Variants in DSC2 observed in about 807,000 individuals in gnomAD.
DSC2 encodes the protein desmocollin 2, also known as desmocollin-2.
Under a neutral mutation model 87.6 loss-of-function variants are expected in DSC2, and 51 were observed. That is an observed-to-expected ratio of 0.58 (90% CI 0.46 to 0.74). The LOEUF (loss-of-function observed/expected upper bound fraction) is 0.74. DSC2 is among the 30% of genes least tolerant of loss of function. The pLI, the probability that DSC2 is intolerant of heterozygous loss-of-function variation, is 0.00. For missense variants in DSC2, 1,066 were observed against 1,089.5 expected (o/e 0.98, Z 0.30); for synonymous variants, 383 against 393.2 (o/e 0.97, Z 0.31).
chr18:31,095,723 A>C lies in DSC2; in HGVS notation c.70-2080T>G, dbSNP rs1337464291. ...TAAACATGATCCTCATGAAACATTC[A>C]ATCTAAGGTAAGACATATTTGTAAT... On this transcript the variant is annotated intron_variant, in intron 1 of 15. Coordinates refer to ENST00000280904, the MANE Select transcript of DSC2 (RefSeq NM_024422.6). Among the ~76,000 whole-genome samples, 17 of 152,144 alleles carry C rather than the reference A, an allele frequency of 1.1e-4. 1 individual carries two copies. Among genetic ancestry groups the C allele is most frequent in the Admixed American group, 1.1e-3 (17 of 15,284 alleles).
At chr18:31,075,572 G>A (rs1014035257) in intron 11 of DSC2, among the ~76,000 whole-genome samples, 2 of 152,118 alleles carry the variant, frequency 1.3e-5, no homozygotes, top group African/African-American at 2.4e-5. Flanking sequence ...CAGGATAGAC[G>A]GGGCACAGTG....
chr18:31,079,609 A>T (rs1987135665), intron 11 of DSC2, among the ~76,000 whole-genome samples: 1 of 152,184 alleles, frequency 6.6e-6, no homozygotes, highest in African/African-American at 2.4e-5. Flanking sequence ...TAACTTTAAT[A>T]AATTATGGTC....
Position 31,067,937 on chromosome 18 carries a change from G to T in DSC2, c.*78C>A. The T allele has an allele frequency of 7.3e-7, 1 of 1,368,650 alleles. No individual in the cohort carries two copies. The highest frequency in any genetic ancestry group is 1.0e-6 in the Non-Finnish European group (1 of 973,850). The allele number at this position is 1,368,650 out of a possible 1,614,324, so 84.8% of individuals were successfully genotyped here. ...AAAACCCCCACAAATAGCATCTTCT[G>T]CTTTAAAAAATTCTTGGTTTGTAAT... On this transcript the variant is annotated 3_prime_UTR_variant, in exon 16 of 16. Transcript: ENST00000280904.
chr18:31,101,892 G>A lies in DSC2; in HGVS notation c.69+11C>T. 1 of 1,531,896 alleles carries A rather than the reference G, an allele frequency of 6.5e-7. No homozygotes were observed. The highest frequency in any genetic ancestry group is 2.5e-5 in the East Asian group (1 of 40,156). 94.9% of individuals were successfully genotyped at this position (1,531,896 alleles called of 1,614,324 possible). ...CCCCTTCCCCGGAGCGGTGGCCGCG[G>A]CTACACTCACCGCGAGGGTCAGCAG... On this transcript the variant is annotated intron_variant, in intron 1 of 15. Coordinates refer to ENST00000280904, the MANE Select transcript of DSC2 (RefSeq NM_024422.6).
chr18:31,093,729 TAATGATATACAC>T, intron 1 of DSC2, 86 bp from the exon 2 acceptor site: 2 of 613,774 alleles, frequency 3.3e-6, no homozygotes, highest in Non-Finnish European at 4.4e-6. Flanking sequence ...TATAAATTTA[TAATGATATACAC>T]ATAAAAAGGC....
Position 31,080,283 on chromosome 18 carries a change from T to C in DSC2, c.1333A>G (p.Arg445Gly). 6.2e-7 allele frequency: 1 copy of C among 1,614,116 alleles called. No homozygotes were observed. The highest frequency in any genetic ancestry group is 8.5e-7 in the Non-Finnish European group (1 of 1,180,002). ...IGVVNEAPFS[R>G]EASPRSAMST... ...ATGGCTGATCTTGGACTAGCCTCTC[T>C]GGAAAATGGAGCTTCATTAACTACA... Residue 445 changes from arginine (R) to glycine (G), a missense_variant, in exon 10 of 16, where the codon AGA becomes GGA. By Grantham distance (125) the Arg-to-Gly change is moderately radical. Coordinates refer to ENST00000280904, the MANE Select transcript of DSC2 (RefSeq NM_024422.6).
intron 11 of DSC2, among the ~76,000 whole-genome samples, chr18:31,079,456 T>C (rs1186570423): frequency 6.6e-6 from 1 of 152,114 alleles, no homozygotes; most frequent in African/African-American, 2.4e-5. Flanking sequence ...GATTTCACCA[T>C]GTTGGCCAGG....
chr18:31,070,544 T>C (rs1392006063), intron 14 of DSC2, among the ~76,000 whole-genome samples, 182 bp downstream of exon 14: 1 of 152,216 alleles, frequency 6.6e-6, no homozygotes, highest in Admixed American at 6.5e-5. Flanking sequence ...TACGGCCAAA[T>C]TTAAATACCA....
intron 6 of DSC2, among the ~76,000 whole-genome samples, chr18:31,087,167 A>T (rs2144831984): frequency 6.6e-6 from 1 of 152,344 alleles, no homozygotes; most frequent in Non-Finnish European, 1.5e-5. Context: ...CTTTTAGTTA[A>T]AACAGACCAT....
At chr18:31,083,217 T>A (rs577727168) in intron 7 of DSC2, among the ~76,000 whole-genome samples, 157 bp from the exon 8 acceptor site, 1 of 152,348 alleles carries the variant, frequency 6.6e-6, no homozygotes, top group South Asian at 2.1e-4. Context: ...CTCTCACTAG[T>A]AATTTTTCTT....
At chr18:31,074,648 T>C (rs775121972) in intron 12 of DSC2, 35 bp downstream of exon 12, 7 of 1,593,110 alleles carry the variant, frequency 4.4e-6, no homozygotes, top group South Asian at 1.1e-5. Context: ...CATCCTGATG[T>C]TGAAAAGGAC....
Position 31,065,159 on chromosome 18 carries a change from A to T in DSC2, c.*2856T>A, listed in dbSNP as rs1326656872. On this transcript the variant is annotated 3_prime_UTR_variant, in exon 16 of 16. Coordinates refer to ENST00000280904, the MANE Select transcript of DSC2 (RefSeq NM_024422.6). ...ATGAATAAGATGTAACTTGCTGAAT[A>T]CCACAAATGAGAGACCTGGAAGCTA... The T allele has an allele frequency of 1.3e-5, 2 of 152,158 alleles. No homozygotes were observed. Among genetic ancestry groups the T allele is most frequent in the East Asian group, 3.9e-4 (2 of 5,182 alleles). 9.4% of individuals were successfully genotyped at this position (152,158 alleles called of 1,614,324 possible).
At chr18:31,084,617 C>T (rs1224062353) in intron 7 of DSC2, among the ~76,000 whole-genome samples, 1 of 150,882 alleles carries the variant, frequency 6.6e-6, no homozygotes, top group Non-Finnish European at 1.5e-5. Flanking sequence ...AAGAAAAGCA[C>T]TTCTGTGATT....
Position 31,070,760 on chromosome 18 carries a change from A to G in DSC2, c.2216T>C (p.Val739Ala), listed in dbSNP as rs756785687. 1.2e-6 allele frequency: 2 copies of G among 1,613,958 alleles called. No individual in the cohort carries two copies. The highest frequency in any genetic ancestry group is 1.3e-5 in the African/African-American group (1 of 75,046). The change falls in exon 14 of 16, where the codon GTA (valine) becomes GCA (alanine). Residue 739 changes from valine (V) to alanine (A), a missense_variant. Coordinates refer to ENST00000280904, the MANE Select transcript of DSC2 (RefSeq NM_024422.6). The stretch of plus-strand genomic sequence containing the variant: ...ATCTCCAGGAGCTTCTGTGTTTGAT[A>G]CAATTAGGTTCTGCTGGGCTAAATC... ...PDDLAQQNLI[V>A]SNTEAPGDDK...
In DSC2 at chr18:31,101,343, T is replaced by C. The variant is rs779505805; in HGVS notation, c.69+560A>G. On this transcript the variant is annotated intron_variant, in intron 1 of 15. Transcript: ENST00000280904. Reference sequence around the variant, plus strand: ...CCAGAAAGGCGAGCAGTTCCCTTTTTCACCCAAGGACACTCGCTCTCCGTC... The same window carrying C: ...CCAGAAAGGCGAGCAGTTCCCTTTTCCACCCAAGGACACTCGCTCTCCGTC... 9.8e-4 allele frequency: 877 copies of C among 896,814 alleles called. 5 individuals are homozygous for C. The highest frequency in any genetic ancestry group is 5.1e-3 in the Middle Eastern group (9 of 1,766). 55.6% of individuals were successfully genotyped at this position (896,814 alleles called of 1,614,324 possible).
chr18:31,097,020 A>T (rs991518651), intron 1 of DSC2, among the ~76,000 whole-genome samples: 14 of 152,088 alleles, frequency 9.2e-5, no homozygotes, highest in African/African-American at 3.1e-4. Context: ...CCAGTCAGAT[A>T]ATACAAGAAA....
At chr18:31,096,800 A>G (rs553297423) in intron 1 of DSC2, among the ~76,000 whole-genome samples, 16 of 152,188 alleles carry the variant, frequency 1.1e-4, no homozygotes, top group Non-Finnish European at 2.2e-4. Flanking sequence ...CAAGGTCACT[A>G]TATGTAGTTT....
intron 3 of DSC2, 135 bp downstream of exon 3, chr18:31,091,966 T>A: frequency 1.2e-6 from 1 of 826,130 alleles, no homozygotes; most frequent in Non-Finnish European, 1.9e-6. Context: ...CTAAACACTG[T>A]GAAGTTGCCT....
At chr18:31,087,041 A>G (rs868749721) in intron 6 of DSC2, among the ~76,000 whole-genome samples, 1 of 152,196 alleles carries the variant, frequency 6.6e-6, no homozygotes, top group East Asian at 1.9e-4. Context: ...TGATTATTCT[A>G]TAACTTTTCT....
Sources: gnomAD v4.1 joint callset for allele counts (sites outside exome capture counted in the v4.1 genomes callset) on GRCh38, gnomAD v4.1.1 for gene constraint, MANE v1.5 for transcripts, NCBI Gene and HGNC (gene_info 2026-07-23, HGNC 2026-07-21) for gene names.